Variants in TCEA1 observed in about 807,000 individuals in gnomAD.
TCEA1 encodes transcription elongation factor A1, also known as transcription elongation factor A protein 1.
TCEA1 carries 21 observed loss-of-function variants against 43.8 expected under a neutral mutation model. The ratio of observed to expected loss-of-function variants is 0.48; its 90% confidence interval spans 0.34 to 0.69. The LOEUF (loss-of-function observed/expected upper bound fraction) is 0.69. TCEA1 is among the 30% of genes least tolerant of loss of function. The pLI is 0.01. For missense variants in TCEA1, 250 were observed against 365.1 expected (o/e 0.68, Z 2.57); for synonymous variants, 104 against 117.5 (o/e 0.88, Z 0.75).
intron 2 of TCEA1, chr8:54,003,181 C>A: frequency 2.5e-6 from 1 of 396,148 alleles, no homozygotes; most frequent in Non-Finnish European, 5.0e-6. Flanking sequence ...ATAAAAGAAA[C>A]ACACAGCTAC....
At chr8:53,996,618 C>A (rs541005407) in intron 3 of TCEA1, among the ~76,000 whole-genome samples, 1 of 152,024 alleles carries the variant, frequency 6.6e-6, no homozygotes, top group Non-Finnish European at 1.5e-5. Context: ...AAGTTAAAAA[C>A]AAGAAATCTA....
intron 6 of TCEA1, 155 bp downstream of exon 6, chr8:53,986,814 C>T: frequency 1.6e-6 from 1 of 613,320 alleles, no homozygotes; most frequent in Non-Finnish European, 2.9e-6. Flanking sequence ...AATGACCAAT[C>T]CTCTTCTGCT....
intron 3 of TCEA1, among the ~76,000 whole-genome samples, chr8:53,995,083 T>C (rs1804009373): frequency 1.3e-5 from 2 of 151,834 alleles, no homozygotes; most frequent in Admixed American, 6.6e-5. Context: ...GGTGGATCAC[T>C]TGAGGTCAGG....
At position 53,987,017 on chromosome 8, in the gene TCEA1, T is replaced by C. The variant is rs923177617; in HGVS notation, c.475A>G (p.Ile159Val). ...TCTTCCTCATCAGCTCCAATTGCAA[T>C]GTAGTCATCTAAAAATAGGCATAAA... ...AAALRTGDDY[I>V]AIGADEEELG... is the part of the protein sequence containing the mutation. Residue 159 changes from isoleucine to valine, a missense_variant, in exon 6 of 10, where the codon ATT (isoleucine) becomes GTT (valine). This residue lies in a region of TCEA1 where 147 missense variants were observed against 160.3 expected (regional missense o/e 0.92). Coordinates refer to ENST00000521604, the MANE Select transcript of TCEA1 (RefSeq NM_006756.4). 3 of 1,598,690 alleles carry C rather than the reference T, an allele frequency of 1.9e-6. No individual in the cohort carries two copies. Among genetic ancestry groups the C allele is most frequent in the Middle Eastern group, 1.6e-4 (1 of 6,062 alleles).
At chr8:53,988,353 CTAAA>C in intron 4 of TCEA1, 94 bp from the exon 5 acceptor site, 1 of 1,448,732 alleles carries the variant, frequency 6.9e-7, no homozygotes, top group Non-Finnish European at 9.2e-7. Flanking sequence ...AATTTGGGGT[CTAAA>C]TAAATGACAC....
chr8:53,980,967 T>C (rs1031611912), intron 7 of TCEA1, among the ~76,000 whole-genome samples: 33 of 152,334 alleles, frequency 2.2e-4, no homozygotes, highest in African/African-American at 4.1e-4. Flanking sequence ...AATAGCCTTA[T>C]TGCCGATATG....
At chr8:54,010,321 T>C (rs1488303898) in intron 2 of TCEA1, 109 bp downstream of exon 2, 1 of 805,454 alleles carries the variant, frequency 1.2e-6, no homozygotes, top group Non-Finnish European at 2.0e-6. Context: ...CAGTTAGTAA[T>C]GGTTTACACC....
chr8:53,981,899 C>T (rs904921547), intron 7 of TCEA1, among the ~76,000 whole-genome samples: 10 of 151,244 alleles, frequency 6.6e-5, no homozygotes, highest in South Asian at 2.1e-4. Flanking sequence ...ATTACAGGAA[C>T]GCACCACACC....
chr8:53,987,048 G>A, intron 5 of TCEA1, 23 bp from the exon 6 acceptor site: 1 of 1,568,976 alleles, frequency 6.4e-7, no homozygotes, highest in Non-Finnish European at 8.6e-7. Flanking sequence ...ATAAAGAATT[G>A]TCAAATTATT....
chr8:54,021,347 A>G (rs571743256), intron 1 of TCEA1, among the ~76,000 whole-genome samples: 7 of 152,214 alleles, frequency 4.6e-5, no homozygotes, highest in Admixed American at 6.5e-5. Flanking sequence ...AAAAAATGCC[A>G]CCAGTATTAA....
Position 53,979,203 on chromosome 8 carries a change from T to C in TCEA1, c.679-32A>G, listed in dbSNP as rs200218904. 1.7e-4 allele frequency: 270 copies of C among 1,596,344 alleles called. No individual in the cohort carries two copies. In the African/African-American group the frequency reaches 3.1e-3, roughly 19 times the overall value. On this transcript the variant is annotated intron_variant, in intron 7 of 9. Coordinates refer to ENST00000521604, the MANE Select transcript of TCEA1 (RefSeq NM_006756.4). ...GGTAGGGGGCAATACCACTCAGTTA[T>C]AGACACCTTCTATATATATCCTGAA...
chr8:54,016,227 G>C (rs770606617), intron 1 of TCEA1, among the ~76,000 whole-genome samples: 5 of 151,678 alleles, frequency 3.3e-5, no homozygotes, highest in Non-Finnish European at 7.4e-5. Context: ...CTGTAATCCC[G>C]GCACTTTAGG....
intron 4 of TCEA1, 62 bp downstream of exon 4, chr8:53,993,606 A>G: frequency 3.0e-6 from 4 of 1,355,920 alleles, no homozygotes; most frequent in Non-Finnish European, 4.1e-6. Context: ...TAGACAGGGG[A>G]ATTGATGCAG....
intron 8 of TCEA1, among the ~76,000 whole-genome samples, chr8:53,977,508 C>A (rs577379126): frequency 1.1e-4 from 16 of 152,238 alleles, no homozygotes; most frequent in Non-Finnish European, 1.3e-4. Flanking sequence ...TAACTACCAA[C>A]AAAATTTGTT....
At chr8:53,999,224 C>CAAAAAAAAA (rs57357613) in intron 3 of TCEA1, among the ~76,000 whole-genome samples, 2 of 64,518 alleles carry the variant, frequency 3.1e-5, no homozygotes, top group Admixed American at 1.7e-4. Context: ...GACTCAGTCT[C>CAAAAAAAAA]AAAAAAAAAA....
chr8:53,970,808 A>G (rs925912492), intron 8 of TCEA1, among the ~76,000 whole-genome samples: 1 of 152,190 alleles, frequency 6.6e-6, no homozygotes, highest in Non-Finnish European at 1.5e-5. Context: ...TTTCATCAGT[A>G]AGAAGCACAG....
At chr8:53,985,847 G>C (rs935312263) in intron 6 of TCEA1, among the ~76,000 whole-genome samples, 1 of 152,178 alleles carries the variant, frequency 6.6e-6, no homozygotes, top group Non-Finnish European at 1.5e-5. Context: ...ACATTTATAT[G>C]TGTGTGCTTT....
chr8:53,999,024 C>A (rs367761427), intron 3 of TCEA1, among the ~76,000 whole-genome samples: 3 of 151,946 alleles, frequency 2.0e-5, no homozygotes, highest in South Asian at 4.1e-4. Flanking sequence ...GTCAGGTGAT[C>A]GAGACCACCC....
intron 1 of TCEA1, among the ~76,000 whole-genome samples, chr8:54,014,217 C>G (rs1804748769): frequency 6.6e-6 from 1 of 152,204 alleles, no homozygotes; most frequent in Admixed American, 6.5e-5. Flanking sequence ...CTTTCCCCAG[C>G]AGTGCGCCAG....
Sources: allele counts gnomAD v4.1 joint callset (sites outside exome capture counted in the v4.1 genomes callset), GRCh38; gene constraint gnomAD v4.1.1; regional missense constraint gnomAD v4.1.1; transcripts MANE v1.5; gene names NCBI Gene and HGNC (gene_info 2026-07-23, HGNC 2026-07-21).